The following C1orf185 variants were observed in gnomAD, a reference collection of about 807,000 sequenced individuals.
C1orf185 encodes the protein uncharacterized protein C1orf185.
Under a neutral mutation model 16.1 loss-of-function variants are expected in C1orf185, and 13 were observed. The ratio of observed to expected loss-of-function variants is 0.81; its 90% CI spans 0.53 to 1.28. The LOEUF (loss-of-function observed/expected upper bound fraction) is 1.28, where lower values mean the gene tolerates loss of function less well. C1orf185 is among the 50% of genes most tolerant of loss of function. The probability of loss-of-function intolerance (pLI) is 0.00; values close to 1 mark genes in which losing one functional copy is unlikely to be tolerated. For synonymous variants in C1orf185, 80 were observed against 76.9 expected (o/e 1.04, Z -0.21); for missense variants, 220 against 225.2 (o/e 0.98, Z 0.15).
intron 3 of C1orf185, among the ~76,000 whole-genome samples, chr1:51,123,487 G>A (rs763208954): frequency 6.6e-6 from 1 of 152,142 alleles, no homozygotes; most frequent in Non-Finnish European, 1.5e-5. Context: ...ATGTGTGGAG[G>A]TTTTTGTATA....
intron 3 of C1orf185, among the ~76,000 whole-genome samples, chr1:51,139,012 G>A (rs1646346194): frequency 6.6e-6 from 1 of 151,900 alleles, no homozygotes; most frequent in African/African-American, 2.4e-5. Flanking sequence ...TTTTACATAT[G>A]GATGATTTGA....
At chr1:51,135,681 C>A (rs1646318920) in intron 3 of C1orf185, among the ~76,000 whole-genome samples, 1 of 152,182 alleles carries the variant, frequency 6.6e-6, no homozygotes, top group Admixed American at 6.5e-5. Context: ...CCATCTATGA[C>A]AAACCCATAC....
chr1:51,127,290 A>ATTTTT (rs1344235433), intron 3 of C1orf185, among the ~76,000 whole-genome samples: 1 of 145,214 alleles, frequency 6.9e-6, no homozygotes, highest in Non-Finnish European at 1.5e-5. Context: ...ATTTTTTGTC[A>ATTTTT]TTTTTTTTTT....
intron 2 of C1orf185, among the ~76,000 whole-genome samples, chr1:51,116,288 G>T (rs1302420980): frequency 6.6e-6 from 1 of 151,224 alleles, no homozygotes; most frequent in Non-Finnish European, 1.5e-5. Flanking sequence ...TGTTCTCCAA[G>T]GGCAAATCTG....
At chr1:51,117,253 A>T (rs532573127) in intron 2 of C1orf185, among the ~76,000 whole-genome samples, 24 of 152,332 alleles carry the variant, frequency 1.6e-4, no homozygotes, top group Admixed American at 2.0e-4. Flanking sequence ...ACATAATATG[A>T]TCTCTTGAAT....
chr1:51,131,382 T>C (rs547279922), intron 3 of C1orf185, among the ~76,000 whole-genome samples: 2 of 152,368 alleles, frequency 1.3e-5, no homozygotes, highest in African/African-American at 4.8e-5. Context: ...TCCTCCTCCT[T>C]TCTCCATTTT....
At chr1:51,140,815 G>A (rs1646359301) in intron 3 of C1orf185, among the ~76,000 whole-genome samples, 1 of 152,160 alleles carries the variant, frequency 6.6e-6, no homozygotes, top group Non-Finnish European at 1.5e-5. Context: ...GATATCTATA[G>A]TGATATTCTC....
chr1:51,134,826 T>A (rs1646311569), intron 3 of C1orf185, among the ~76,000 whole-genome samples: 1 of 152,142 alleles, frequency 6.6e-6, no homozygotes, highest in Non-Finnish European at 1.5e-5. Context: ...AACAGACCAA[T>A]AATAAGTTGT....
chr1:51,134,600 C>T (rs1646308935), intron 3 of C1orf185, among the ~76,000 whole-genome samples: 1 of 151,812 alleles, frequency 6.6e-6, no homozygotes, highest in African/African-American at 2.4e-5. Flanking sequence ...ATAAAATAGA[C>T]CACTAGCTAG....
chr1:51,121,690 A>AT (rs1646198590), intron 3 of C1orf185, among the ~76,000 whole-genome samples: 1 of 152,172 alleles, frequency 6.6e-6, no homozygotes, highest in Admixed American at 6.5e-5. Flanking sequence ...TAAAATGATA[A>AT]TAAAAATAGG....
chr1:51,114,319 G>A (rs528361690), intron 2 of C1orf185, among the ~76,000 whole-genome samples: 10 of 152,336 alleles, frequency 6.6e-5, no homozygotes, highest in Admixed American at 2.6e-4. Flanking sequence ...CACCGTCATC[G>A]TAATAGCTAA....
chr1:51,141,584 C>T (rs2148031816), intron 3 of C1orf185, among the ~76,000 whole-genome samples: 1 of 152,232 alleles, frequency 6.6e-6, no homozygotes, highest in East Asian at 1.9e-4. Context: ...AGAAAGAGAA[C>T]CAAGAGGTGT....
chr1:51,143,373 C>T (rs1646379309), intron 3 of C1orf185, among the ~76,000 whole-genome samples: 1 of 152,174 alleles, frequency 6.6e-6, no homozygotes. Context: ...GCTGTCCCTT[C>T]TCTGTTATTT....
At chr1:51,141,334 A>C (rs1646362940) in intron 3 of C1orf185, among the ~76,000 whole-genome samples, 1 of 151,916 alleles carries the variant, frequency 6.6e-6, no homozygotes, top group Admixed American at 6.6e-5. Flanking sequence ...TACACCTCCA[A>C]AAAAAAATTA....
intron 2 of C1orf185, among the ~76,000 whole-genome samples, chr1:51,116,989 C>T (rs1158148984): frequency 6.6e-6 from 1 of 152,138 alleles, no homozygotes; most frequent in Non-Finnish European, 1.5e-5. Flanking sequence ...AGGTAGCTTT[C>T]CTTGACAGCA....
intron 3 of C1orf185, among the ~76,000 whole-genome samples, chr1:51,131,065 G>A (rs1362583134): frequency 6.6e-6 from 1 of 152,076 alleles, no homozygotes; most frequent in African/African-American, 2.4e-5. Flanking sequence ...ACCATGCCTG[G>A]CTAATTTTGT....
At chr1:51,104,483 G>A (rs146053549) in intron 1 of C1orf185, among the ~76,000 whole-genome samples, 1 of 152,258 alleles carries the variant, frequency 6.6e-6, no homozygotes, top group African/African-American at 2.4e-5. Flanking sequence ...AGAGTTGGGA[G>A]GAAAACCAAG....
rs1053291210 is a variant in C1orf185, at chr1:51,118,647, T to C, written c.123-19T>C. 2 of 1,298,874 alleles carry C rather than the reference T, an allele frequency of 1.5e-6. No homozygotes were observed. The highest frequency in any genetic ancestry group is 3.0e-5 in the Admixed American group (1 of 33,806). The allele number at this position is 1,298,874 out of a possible 1,614,324, so 80.5% of individuals were successfully genotyped here. A position where few individuals can be genotyped will look rare whatever the true frequency, so the allele number is the denominator to read the frequency against. On this transcript the variant is annotated intron_variant, in intron 2 of 4. Coordinates refer to ENST00000371759, the MANE Select transcript of C1orf185 (RefSeq NM_001136508.2). Reference sequence around the variant, plus strand: ...ATCTAACTCAGGTTTAATAATATTCTTTATAAAATATTTTTCAGAGAAATA... The same window carrying C: ...ATCTAACTCAGGTTTAATAATATTCCTTATAAAATATTTTTCAGAGAAATA...
chr1:51,130,148 G>A (rs939531355), intron 3 of C1orf185, among the ~76,000 whole-genome samples: 3 of 152,150 alleles, frequency 2.0e-5, no homozygotes, highest in Admixed American at 2.0e-4. Flanking sequence ...TTCATGTACA[G>A]GTTTTTCTGT....
Sources: gnomAD v4.1 joint callset for allele counts (sites outside exome capture counted in the v4.1 genomes callset) on GRCh38, gnomAD v4.1.1 for gene constraint, MANE v1.5 for transcripts, NCBI Gene and HGNC (gene_info 2026-07-23, HGNC 2026-07-21) for gene names.